SNX25: variants seen among roughly 807,000 people sequenced by gnomAD.
SNX25 encodes the protein sorting nexin-25.
Under a neutral mutation model 113.7 loss-of-function variants are expected in SNX25, and 62 were observed. That is an observed-to-expected ratio of 0.55 (90% CI 0.44 to 0.67). The LOEUF is 0.67. Ranked by LOEUF, SNX25 falls within the 30% of genes least tolerant of loss-of-function variation. The pLI is 0.00. For missense variants in SNX25, 1,014 were observed against 1,161.0 expected (o/e 0.87, Z 1.84); for synonymous variants, 421 against 436.2 (o/e 0.97, Z 0.43).
At chr4:185,305,784 G>A (rs1315639430) in intron 6 of SNX25, among the ~76,000 whole-genome samples, 2 of 152,092 alleles carry the variant, frequency 1.3e-5, no homozygotes, top group African/African-American at 4.8e-5. Context: ...CTATCTAGAC[G>A]GAAAAACAGT....
At chr4:185,351,715 C>A in intron 14 of SNX25, 106 bp downstream of exon 14, 1 of 1,217,174 alleles carries the variant, frequency 8.2e-7, no homozygotes, top group Non-Finnish European at 1.1e-6. Flanking sequence ...GTCATTAGCA[C>A]TGTCACATTT....
downstream of SNX25, chr4:185,370,700 A>T (rs147526924): frequency 1.5e-5 from 25 of 1,613,920 alleles, no homozygotes; most frequent in African/African-American, 3.2e-4. Context: ...CAAGCTGAAG[A>T]CACCTTGCGT....
chr4:185,300,215 G>A (rs1404996), intron 6 of SNX25, among the ~76,000 whole-genome samples: 66,760 of 151,268 alleles, frequency 0.44, 14,864 homozygotes, highest in East Asian at 0.56. Flanking sequence ...GCCGGAGTGC[G>A]ATGGCACGAT....
At chr4:185,374,556 G>A, downstream of SNX25, 2 of 1,309,592 alleles carry the variant, frequency 1.5e-6, no homozygotes, top group Non-Finnish European at 2.1e-6. Flanking sequence ...TCCGCCCTCT[G>A]ACACGATGTA....
At chr4:185,238,245 G>A (rs1411595708) in intron 1 of SNX25, among the ~76,000 whole-genome samples, 1 of 151,746 alleles carries the variant, frequency 6.6e-6, no homozygotes, top group Non-Finnish European at 1.5e-5. Flanking sequence ...GGAGTGGCTG[G>A]GTCAAGGACC....
intron 6 of SNX25, among the ~76,000 whole-genome samples, chr4:185,294,289 A>G (rs1450093964): frequency 2.0e-5 from 3 of 152,142 alleles, no homozygotes; most frequent in South Asian, 4.1e-4. Context: ...TAGGGTGTAA[A>G]AGAAAAAGCC....
chr4:185,255,302 T>A (rs1053788825), intron 2 of SNX25, among the ~76,000 whole-genome samples: 2 of 151,950 alleles, frequency 1.3e-5, no homozygotes, highest in South Asian at 4.2e-4. Flanking sequence ...CACGGCTAAT[T>A]TTTGTATTTT....
chr4:185,206,230 A>G (rs1737181946), upstream of SNX25, among the ~76,000 whole-genome samples: 1 of 152,232 alleles, frequency 6.6e-6, no homozygotes, highest in Non-Finnish European at 1.5e-5. Context: ...AGAATAGCCA[A>G]AAGGCGGAAA....
At chr4:185,234,051 G>A (rs1742255143) in intron 1 of SNX25, among the ~76,000 whole-genome samples, 2 of 151,978 alleles carry the variant, frequency 1.3e-5, no homozygotes, top group South Asian at 4.2e-4. Context: ...GTAGAGACGG[G>A]GTTTCACCGT....
At chr4:185,298,090 C>CTTGTTTTT (rs1560982438) in intron 6 of SNX25, among the ~76,000 whole-genome samples, 1 of 99,996 alleles carries the variant, frequency 1.0e-5, no homozygotes, top group African/African-American at 3.5e-5. Flanking sequence ...ATTATAGTAA[C>CTTGTTTTT]TTCTTTTTTT....
chr4:185,348,852 C>T (rs989085431), intron 13 of SNX25, among the ~76,000 whole-genome samples: 4 of 152,180 alleles, frequency 2.6e-5, no homozygotes, highest in Admixed American at 6.5e-5. Flanking sequence ...TAGCCACTGA[C>T]CAATCTCTCC....
chr4:185,357,802 C>G (rs1366682928), intron 16 of SNX25, 65 bp downstream of exon 16: 3 of 1,288,064 alleles, frequency 2.3e-6, no homozygotes, highest in African/African-American at 2.9e-5. Context: ...GTCAAATTAC[C>G]TTATGATCTA....
At chr4:185,214,394 CAAA>C (rs60179052) in intron 1 of SNX25, among the ~76,000 whole-genome samples, 142 of 122,276 alleles carry the variant, frequency 1.2e-3, no homozygotes, top group African/African-American at 2.2e-3. Flanking sequence ...CCATCTCTAC[CAAA>C]AAAAAAAAAA....
chr4:185,269,315 C>T (rs937257328), intron 5 of SNX25, among the ~76,000 whole-genome samples: 13 of 152,190 alleles, frequency 8.5e-5, no homozygotes, highest in African/African-American at 2.4e-4. Flanking sequence ...AACCTATACT[C>T]GAATACTCAT....
chr4:185,351,114 G>A lies in SNX25; in HGVS notation c.2302-331G>A, dbSNP rs146612466. ...GACTGAAAGTTGTATTTCAAAAGTG[G>A]TAGCGCCTGGGATCTGTGAGCTGTA... On this transcript the variant is annotated intron_variant, in intron 13 of 18. Transcript: ENST00000652585. Among the ~76,000 whole-genome samples, 1,240 of 152,286 alleles carry A rather than the reference G, an allele frequency of 8.1e-3. 6 individuals are homozygous for A. The highest frequency in any genetic ancestry group is 0.014 in the Non-Finnish European group (966 of 68,018).
At chr4:185,231,038 C>T (rs896699653) in intron 1 of SNX25, among the ~76,000 whole-genome samples, 24 of 151,814 alleles carry the variant, frequency 1.6e-4, no homozygotes, top group African/African-American at 5.8e-4. Flanking sequence ...GTCCTCTCTA[C>T]TTAGTGGAAT....
chr4:185,294,868 T>G (rs1409250804), intron 6 of SNX25, among the ~76,000 whole-genome samples: 1 of 152,148 alleles, frequency 6.6e-6, no homozygotes, highest in African/African-American at 2.4e-5. Context: ...TTCCTCGTTG[T>G]CCTTACTTTT....
At chr4:185,346,441 G>C (rs1561039587) in intron 12 of SNX25, 96 bp from the exon 13 acceptor site, 1 of 805,372 alleles carries the variant, frequency 1.2e-6, no homozygotes, top group Admixed American at 3.0e-5. Context: ...AAGTACAGGA[G>C]GAGGATATTT....
chr4:185,234,105 G>A (rs1464880065), intron 1 of SNX25, among the ~76,000 whole-genome samples: 2 of 152,032 alleles, frequency 1.3e-5, no homozygotes, highest in East Asian at 1.9e-4. Flanking sequence ...TGATCTGCCC[G>A]CCTCAGCTTC....
Sources: gnomAD v4.1 joint callset for allele counts (sites outside exome capture counted in the v4.1 genomes callset) on GRCh38, gnomAD v4.1.1 for gene constraint, MANE v1.5 for transcripts, NCBI Gene and HGNC (gene_info 2026-07-23, HGNC 2026-07-21) for gene names.